Variants in ABCA4 observed in about 807,000 individuals in gnomAD.
ABCA4 encodes retinal-specific phospholipid-transporting ATPase ABCA4.
ABCA4 carries 196 observed loss-of-function variants against 263.7 expected under a neutral mutation model. The ratio of observed to expected loss-of-function variants is 0.74; its 90% CI spans 0.66 to 0.84. ABCA4 has a LOEUF of 0.84. Among genes scored for constraint, ABCA4 ranks in the 40% least tolerant of loss-of-function variants. The pLI is 0.00. For missense variants in ABCA4, 2,792 were observed against 2,855.1 expected (o/e 0.98, Z 0.50); for synonymous variants, 1,133 against 1,094.2 (o/e 1.04, Z -0.70).
rs551180866 is a variant in ABCA4 at position 94,017,614 on chromosome 1, G to A, written c.5197-1760C>T. Among the ~76,000 whole-genome samples the A allele has an allele frequency of 7.2e-5, 11 of 152,282 alleles. No individual in the cohort carries two copies. The South Asian group carries it at 2.3e-3, about 32-fold the overall frequency. Reference sequence around the variant, plus strand: ...AAAGAGGAGTGGGGTGTGAGGATTAGGTGGTGATGACACATCAGTGCTGGT... The same window carrying A: ...AAAGAGGAGTGGGGTGTGAGGATTAAGTGGTGATGACACATCAGTGCTGGT... On this transcript the variant is annotated intron_variant, in intron 36 of 49. Transcript: ENST00000370225.
At chr1:94,036,608 G>A in intron 26 of ABCA4, 132 bp downstream of exon 26, 1 of 927,642 alleles carries the variant, frequency 1.1e-6, no homozygotes, top group South Asian at 1.3e-5. Context: ...AACTCAGGTG[G>A]TCCATCTGCC....
At chr1:94,045,653 C>A in intron 19 of ABCA4, 1 of 430,496 alleles carries the variant, frequency 2.3e-6, no homozygotes. Context: ...CCATCTCAGG[C>A]TATCTGAACT....
chr1:94,008,308 C>T lies in ABCA4; in HGVS notation c.5836-11G>A, dbSNP rs1800739. The T allele has an allele frequency of 0.18, 290,518 of 1,608,016 alleles. 27,424 individuals are homozygous for T. The highest frequency in any genetic ancestry group is 0.26 in the African/African-American group (19,765 of 74,738). On this transcript the variant is annotated splice_polypyrimidine_tract_variant and intron_variant, in intron 41 of 49. Transcript: ENST00000370225. ...GGTGCCTGGATAAATCTGCAAGATA[C>T]GAAGAAACCGGACTGAGAACTGAGA...
At chr1:94,030,917 G>A in intron 28 of ABCA4, 79 bp downstream of exon 28, 3 of 1,595,580 alleles carry the variant, frequency 1.9e-6, no homozygotes, top group East Asian at 2.2e-5. Flanking sequence ...GAAGTGGGAA[G>A]GTCAGGGCCC....
rs772663974 is a variant in ABCA4, at chr1:94,043,347, T to G, written c.3179A>C (p.Gln1060Pro). The G allele has an allele frequency of 4.3e-6, 7 of 1,614,060 alleles. No homozygotes were observed. The South Asian group carries it at 6.6e-5, about 15-fold the overall frequency. ...CCAGCTCTGAGCACCTGATAGGTCC[T>G]GAGCCTCTTCATTCCGCTTGTGGTG... ...GLHHKRNEEA[Q>P]DLSGGMQRKL... Residue 1060 changes from glutamine (Q) to proline (P), a missense_variant, in exon 21 of 50, where the codon CAG (glutamine) becomes CCG (proline). By Grantham distance (76) the Gln-to-Pro change is moderately conservative (BLOSUM62 -1). Coordinates refer to ENST00000370225, the MANE Select transcript of ABCA4 (RefSeq NM_000350.3).
Position 94,114,120 on chromosome 1 carries a change from TTTCA to T in ABCA4, c.67-1058_67-1055del, listed in dbSNP as rs1570435190. Among the ~76,000 whole-genome samples, 3 of 152,366 alleles carry T rather than the reference TTTCA, an allele frequency of 2.0e-5. No homozygotes were observed. The East Asian group carries it at 5.8e-4, about 29-fold the overall frequency. On this transcript the variant is annotated intron_variant, in intron 1 of 49. Coordinates refer to ENST00000370225, the MANE Select transcript of ABCA4 (RefSeq NM_000350.3). ...TCAGCTAGGGGCTATTCACATGGTC[TTTCA>T]TGTAACCCTTTGTTGTTTTCCTCTC...
At chr1:94,091,908 A>C (rs1049121783) in intron 6 of ABCA4, among the ~76,000 whole-genome samples, 4 of 152,188 alleles carry the variant, frequency 2.6e-5, no homozygotes, top group African/African-American at 9.7e-5. Context: ...GATCAAAACC[A>C]TGTCTCTCCC....
At chr1:94,082,609 C>T (rs1661731532) in intron 7 of ABCA4, among the ~76,000 whole-genome samples, 1 of 152,150 alleles carries the variant, frequency 6.6e-6, no homozygotes, top group African/African-American at 2.4e-5. Context: ...ATGCAGTTTT[C>T]CAGGTTGGTG....
At chr1:93,996,026 G>T in intron 49 of ABCA4, 83 bp downstream of exon 49, 1 of 1,315,716 alleles carries the variant, frequency 7.6e-7, no homozygotes. Context: ...CTGAGCCTTG[G>T]AGCAACTCAA....
chr1:94,092,642 G>C (rs572056144), intron 6 of ABCA4, among the ~76,000 whole-genome samples: 1 of 152,300 alleles, frequency 6.6e-6, no homozygotes, highest in South Asian at 2.1e-4. Flanking sequence ...CAACTAGAGG[G>C]TGGGCTCTTG....
intron 32 of ABCA4, among the ~76,000 whole-genome samples, chr1:94,022,755 C>A (rs542046315): frequency 1.3e-5 from 2 of 152,314 alleles, no homozygotes; most frequent in South Asian, 2.1e-4. Flanking sequence ...ATCACTGCCT[C>A]ACTCCTACTC....
chr1:94,110,866 A>G (rs1347019179), intron 3 of ABCA4, among the ~76,000 whole-genome samples: 1 of 151,096 alleles, frequency 6.6e-6, no homozygotes, highest in Non-Finnish European at 1.5e-5. Context: ...GTGAAGAGCC[A>G]CTGCACCCGA....
chr1:94,012,284 A>G (rs544189229), intron 38 of ABCA4, among the ~76,000 whole-genome samples: 121 of 152,298 alleles, frequency 7.9e-4, no homozygotes, highest in African/African-American at 2.9e-3. Context: ...GGGCATGTGC[A>G]GGCTGTTACC....
intron 15 of ABCA4, 59 bp downstream of exon 15, chr1:94,056,542 T>C: frequency 1.3e-6 from 2 of 1,558,432 alleles, no homozygotes; most frequent in Non-Finnish European, 1.8e-6. Context: ...CCTCCAGGAC[T>C]GCTACGGACC....
Position 94,108,699 on chromosome 1 carries a change from C to T in ABCA4, c.320G>A (p.Arg107Gln), listed in dbSNP as rs759799179. The change falls in exon 4 of 50, where the codon CGA becomes CAA. Residue 107 changes from arginine to glutamine, a missense_variant. Coordinates refer to ENST00000370225, the MANE Select transcript of ABCA4 (RefSeq NM_000350.3). The part of the protein sequence containing the change: ...YNNSILARVY[R>Q]DFQELLMNAP... The stretch of plus-strand genomic sequence containing the variant: ...ATTCATGAGGAGTTCTTGAAAATCT[C>T]GATATACCCTTGCCAAGCTGTAAGG... 2.5e-5 allele frequency: 40 copies of T among 1,613,778 alleles called. No homozygotes were observed. The highest frequency in any genetic ancestry group is 1.7e-4 in the Middle Eastern group (1 of 5,968).
chr1:94,064,300 A>T (rs1442489891), intron 11 of ABCA4, among the ~76,000 whole-genome samples: 1 of 152,246 alleles, frequency 6.6e-6, no homozygotes, highest in Non-Finnish European at 1.5e-5. Flanking sequence ...GCAAACCAAC[A>T]ACCATAATGT....
At chr1:94,040,472 C>T (rs940045944) in intron 23 of ABCA4, among the ~76,000 whole-genome samples, 1 of 152,176 alleles carries the variant, frequency 6.6e-6, no homozygotes, top group African/African-American at 2.4e-5. Flanking sequence ...CAGCGGCAGC[C>T]AGACACTTAA....
At chr1:94,022,935 C>T (rs960505187) in intron 32 of ABCA4, among the ~76,000 whole-genome samples, 3 of 152,124 alleles carry the variant, frequency 2.0e-5, no homozygotes, top group Non-Finnish European at 1.5e-5. Context: ...CCTAGAGTCC[C>T]ACTTGGTGAG....
chr1:94,080,245 T>C (rs1237869259), intron 8 of ABCA4, among the ~76,000 whole-genome samples: 1 of 152,176 alleles, frequency 6.6e-6, no homozygotes, highest in Non-Finnish European at 1.5e-5. Context: ...GGCCCCTCTG[T>C]TCCCTTTCCA....
Sources: allele counts gnomAD v4.1 joint callset (sites outside exome capture counted in the v4.1 genomes callset), GRCh38; gene constraint gnomAD v4.1.1; transcripts MANE v1.5; gene names NCBI Gene and HGNC (gene_info 2026-07-23, HGNC 2026-07-21).